RBPJ: variants seen among roughly 807,000 people sequenced by gnomAD.
RBPJ encodes the protein recombining binding protein suppressor of hairless.
A neutral mutation model predicts 67.8 loss-of-function variants in RBPJ; 9 were observed. That is an observed-to-expected ratio of 0.13 (90% CI 0.08 to 0.23). The LOEUF is 0.23. Ranked by LOEUF, RBPJ falls within the 10% of genes least tolerant of loss-of-function variation. RBPJ has a pLI of 1.00. For missense variants in RBPJ, 305 were observed against 595.6 expected (o/e 0.51, Z 5.08); for synonymous variants, 198 against 203.3 (o/e 0.97, Z 0.22).
intron 1 of RBPJ, among the ~76,000 whole-genome samples, chr4:26,354,730 A>G (rs1727180919): frequency 2.0e-5 from 3 of 152,168 alleles, no homozygotes; most frequent in Non-Finnish European, 2.9e-5. Flanking sequence ...AGTTACAGGC[A>G]TGAGCCACAT....
chr4:26,167,340 A>G (rs1716358811), intron 1 of RBPJ, among the ~76,000 whole-genome samples: 1 of 151,908 alleles, frequency 6.6e-6, no homozygotes, highest in Admixed American at 6.6e-5. Context: ...GATTCTTCCT[A>G]CCCATGAGCA....
intron 1 of RBPJ, among the ~76,000 whole-genome samples, chr4:26,182,345 AAAAC>A (rs568955718): frequency 8.5e-5 from 13 of 152,232 alleles, no homozygotes; most frequent in South Asian, 2.1e-4. Context: ...CCGTCTCAAA[AAAAC>A]AAACAAACAA....
chr4:26,166,562 GTTGT>G (rs1470773908), intron 1 of RBPJ, among the ~76,000 whole-genome samples: 5 of 151,682 alleles, frequency 3.3e-5, no homozygotes, highest in East Asian at 1.9e-4. Context: ...TTTTGATGGG[GTTGT>G]TTGTTTTTTT....
In RBPJ at chr4:26,230,541, G is replaced by A. The variant is rs151097835; in HGVS notation, c.-167+66927G>A. Among the ~76,000 whole-genome samples the A allele has an allele frequency of 8.1e-4, 123 of 152,312 alleles. 2 individuals carry two copies. Among genetic ancestry groups the A allele is most frequent in the Non-Finnish European group, 9.3e-4 (63 of 68,010 alleles). On this transcript the variant is annotated intron_variant, in intron 1 of 4. Transcript: ENST00000512351. ...AGGTCAGTAACATGTTTATGGACAC[G>A]TAGTGAATAAGTGGCAGAGCCAGGG...
intron 1 of RBPJ, among the ~76,000 whole-genome samples, chr4:26,237,711 C>A (rs1246261119): frequency 6.6e-6 from 1 of 152,138 alleles, no homozygotes; most frequent in Non-Finnish European, 1.5e-5. Flanking sequence ...CCCTCGGTCT[C>A]CCTATCAGTA....
At chr4:26,242,232 G>T (rs1246218015) in intron 1 of RBPJ, among the ~76,000 whole-genome samples, 1 of 152,042 alleles carries the variant, frequency 6.6e-6, no homozygotes, top group East Asian at 1.9e-4. Flanking sequence ...CGGATCACGA[G>T]GTCAGGAGAT....
chr4:26,344,920 A>C (rs73245771), intron 1 of RBPJ, among the ~76,000 whole-genome samples: 1 of 152,332 alleles, frequency 6.6e-6, no homozygotes, highest in Non-Finnish European at 1.5e-5. Context: ...TTCATATTGA[A>C]GATTTTAAAA....
At chr4:26,196,162 C>G (rs1577460713) in intron 1 of RBPJ, among the ~76,000 whole-genome samples, 1 of 152,244 alleles carries the variant, frequency 6.6e-6, no homozygotes, top group Middle Eastern at 3.4e-3. Flanking sequence ...ATAATAGCCC[C>G]AAAGTAGAGG....
chr4:26,135,091 C>G, the RBPJ span, among the ~76,000 whole-genome samples: 2 of 152,132 alleles, frequency 1.3e-5, no homozygotes, highest in African/African-American at 4.8e-5. Context: ...CCTTAGACAG[C>G]TTGCCTTGCC....
chr4:26,190,262 C>T (rs1717430382), intron 1 of RBPJ, among the ~76,000 whole-genome samples: 1 of 152,176 alleles, frequency 6.6e-6, no homozygotes, highest in South Asian at 2.1e-4. Flanking sequence ...CCTTTCCATT[C>T]TACAATTGAT....
intron 1 of RBPJ, among the ~76,000 whole-genome samples, chr4:26,212,043 G>A (rs1718443080): frequency 6.6e-6 from 1 of 152,212 alleles, no homozygotes; most frequent in Non-Finnish European, 1.5e-5. Flanking sequence ...ATCCCTCAGA[G>A]CCCTCAGAAG....
intron 1 of RBPJ, among the ~76,000 whole-genome samples, chr4:26,280,032 C>A (rs576815827): frequency 6.6e-6 from 1 of 151,358 alleles, no homozygotes; most frequent in South Asian, 2.1e-4. Context: ...AGAAATCCAC[C>A]CACTTTGGCC....
At position 26,217,385 on chromosome 4, in the gene RBPJ, C is replaced by T. The variant is rs191767321; in HGVS notation, c.-167+53771C>T. The stretch of plus-strand genomic sequence containing the variant: ...TGTGTGCTCCTGTGGCATTGAAGAG[C>T]AGCACCAGTGTCATGTGGAGGTTTT... On this transcript the variant is annotated intron_variant, in intron 1 of 4. Coordinates refer to the RBPJ transcript ENST00000512351. 1.6e-3 allele frequency among the ~76,000 whole-genome samples: 239 copies of T among 152,242 alleles called. No homozygotes were observed. In the Middle Eastern group the frequency reaches 0.02, roughly 13 times the overall value.
chr4:26,409,347 A>C (rs1443544981), intron 3 of RBPJ, among the ~76,000 whole-genome samples: 1 of 152,094 alleles, frequency 6.6e-6, no homozygotes, highest in Non-Finnish European at 1.5e-5. Flanking sequence ...TGGGCGGATC[A>C]CCTGAGGTCC....
chr4:26,390,272 T>C (rs1359837062), intron 2 of RBPJ, among the ~76,000 whole-genome samples: 4 of 152,230 alleles, frequency 2.6e-5, no homozygotes, highest in Non-Finnish European at 5.9e-5. Flanking sequence ...ATAGGGTGCC[T>C]GTGAAAAAAC....
At chr4:26,283,750 G>A (rs777445210) in intron 1 of RBPJ, among the ~76,000 whole-genome samples, 15 of 150,834 alleles carry the variant, frequency 9.9e-5, no homozygotes, top group Non-Finnish European at 1.8e-4. Context: ...AGGTTCAAGC[G>A]ATTCTCCTGC....
intron 4 of RBPJ, among the ~76,000 whole-genome samples, chr4:26,416,852 A>C (rs1338328059): frequency 1.3e-5 from 2 of 152,162 alleles, no homozygotes; most frequent in Non-Finnish European, 2.9e-5. Flanking sequence ...ACCTCCTTCA[A>C]ATTTAGCTGT....
intron 4 of RBPJ, 141 bp from the exon 5 acceptor site, chr4:26,420,410 T>A: frequency 1.9e-6 from 1 of 519,472 alleles, no homozygotes; most frequent in Non-Finnish European, 3.3e-6. Flanking sequence ...TTTTTATAGT[T>A]GATAATTTTT....
At chr4:26,235,805 A>G (rs1719434286) in intron 1 of RBPJ, among the ~76,000 whole-genome samples, 1 of 152,222 alleles carries the variant, frequency 6.6e-6, no homozygotes, top group Middle Eastern at 3.2e-3. Context: ...TTAGGACTGG[A>G]TCCTGATGAG....
Sources: gnomAD v4.1 joint callset for allele counts (sites outside exome capture counted in the v4.1 genomes callset) on GRCh38, gnomAD v4.1.1 for gene constraint, MANE v1.5 for transcripts, NCBI Gene and HGNC (gene_info 2026-07-23, HGNC 2026-07-21) for gene names.